Variants in MUC6 observed in about 807,000 individuals in gnomAD.
The protein encoded by MUC6 is mucin 6, oligomeric mucus/gel-forming (gene/pseudogene).
Under a neutral mutation model 201.5 loss-of-function variants are expected in MUC6, and 188 were observed. That is an observed-to-expected ratio of 0.93 (90% confidence interval 0.83 to 1.05). MUC6 has a LOEUF of 1.05. Ranked by LOEUF, MUC6 falls within the 50% of genes least tolerant of loss-of-function variation. The probability of loss-of-function intolerance (pLI) is 0.00; values close to 1 mark genes in which losing one functional copy is unlikely to be tolerated. For missense variants in MUC6, 2,706 were observed against 3,256.9 expected (o/e 0.83, Z 4.12); for synonymous variants, 1,228 against 1,389.4 (o/e 0.88, Z 2.58).
intron 29 of MUC6, 69 bp downstream of exon 29, chr11:1,020,021 C>T: frequency 6.5e-7 from 1 of 1,545,798 alleles, no homozygotes; most frequent in Non-Finnish European, 8.8e-7. Context: ...ATCCCTAAGC[C>T]CACCCCAGAG....
chr11:1,030,688 G>A lies in MUC6; in HGVS notation c.777C>T (p.Ala259=), dbSNP rs1323116961. 9.0e-6 allele frequency: 14 copies of A among 1,549,144 alleles called. No homozygotes were observed. Among genetic ancestry groups the A allele is most frequent in the Non-Finnish European group, 1.2e-5 (14 of 1,148,820 alleles). Residue 259 remains alanine, a synonymous_variant, in exon 7 of 33, where the codon GCC becomes GCT. Transcript: ENST00000421673. ...TCTGTGGGCCTGGCTGGGGGGCTGC[G>A]GCCACGTCCGCCTGGCAGCTTAGCA... ...PFVLSCQADV[A]AAPQPGPQNS...
intron 1 of MUC6, among the ~76,000 whole-genome samples, chr11:1,034,746 C>G (rs933040925): frequency 6.6e-6 from 1 of 152,212 alleles, no homozygotes; most frequent in African/African-American, 2.4e-5. Context: ...CGCTGTAGCA[C>G]AGACACCTCG....
chr11:1,018,570 TAGGCGGGGAGTGTGTGG>T lies in MUC6; in HGVS notation c.4214_4230del (p.Thr1405AsnfsTer30). 1 of 1,612,590 alleles carries T rather than the reference TAGGCGGGGAGTGTGTGG, an allele frequency of 6.2e-7. No individual in the cohort carries two copies. The highest frequency in any genetic ancestry group is 8.5e-7 in the Non-Finnish European group (1 of 1,179,236). ...GTGGAAGGGACGGGACTCCCCGCCG[TAGGCGGGGAGTGTGTGG>T]TGTGTGGGGTTTGGGGCGTTGTGTA... On this transcript the variant is annotated frameshift_variant, in exon 31 of 33. Transcript: ENST00000421673. LOFTEE classifies it high-confidence loss of function.
Position 1,026,256 on chromosome 11 carries a change from C to G in MUC6, c.2546+71G>C, listed in dbSNP as rs943812851. The G allele has an allele frequency of 1.9e-6, 3 of 1,543,066 alleles. No individual in the cohort carries two copies. The African/African-American group carries it at 4.1e-5, about 21-fold the overall frequency. On this transcript the variant is annotated intron_variant, in intron 20 of 32. Coordinates refer to ENST00000421673, the MANE Select transcript of MUC6 (RefSeq NM_005961.3). ...CGCCCCCGCCTCTGGGACAGCCCCA[C>G]CCCGGGCAGCCTCCGCCTGCCCCAG...
At position 1,031,222 on chromosome 11, in the gene MUC6, C is replaced by A; in HGVS notation, c.521G>T (p.Gly174Val). ...CTTCCCGTCAAAGTTCCCGCAGAGC[C>A]CGCACATCTGACCCATGTACTTCCG... is the stretch of plus-strand genomic sequence containing the variant. ...VERKYMGQMC[G>V]LCGNFDGKVT... Residue 174 changes from glycine (G) to valine (V), a missense_variant, in exon 5 of 33, where the codon GGG becomes GTG. Around this residue, in one of 10 missense-constraint regions of MUC6, gnomAD observed 1,850 missense variants for 1,958.3 expected, o/e 0.94. Coordinates refer to ENST00000421673, the MANE Select transcript of MUC6 (RefSeq NM_005961.3). 7.6e-6 allele frequency: 12 copies of A among 1,588,316 alleles called. No homozygotes were observed. Among genetic ancestry groups the A allele is most frequent in the Non-Finnish European group, 1.0e-5 (12 of 1,168,292 alleles).
At chr11:1,022,366 C>A (rs1856836431) in intron 26 of MUC6, among the ~76,000 whole-genome samples, 1 of 152,226 alleles carries the variant, frequency 6.6e-6, no homozygotes, top group South Asian at 2.1e-4. Flanking sequence ...CCTCTGCAGC[C>A]CGCGCCCCTC....
intron 1 of MUC6, among the ~76,000 whole-genome samples, chr11:1,036,176 C>T (rs1483700606): frequency 6.8e-6 from 1 of 146,692 alleles, no homozygotes; most frequent in Non-Finnish European, 1.5e-5. Flanking sequence ...AAACGAGGCC[C>T]AGGGCCCAGC....
At chr11:1,023,466 G>C in intron 26 of MUC6, 43 bp downstream of exon 26, 1 of 1,542,460 alleles carries the variant, frequency 6.5e-7, no homozygotes, top group Non-Finnish European at 8.8e-7. Flanking sequence ...ATGAGTGAAT[G>C]GGTCCCCCTG....
At chr11:1,024,467 T>TAA (rs1856902366) in intron 24 of MUC6, among the ~76,000 whole-genome samples, 1 of 152,178 alleles carries the variant, frequency 6.6e-6, no homozygotes, top group Non-Finnish European at 1.5e-5. Context: ...TCTCAGTTCT[T>TAA]ACTGCGCCGC....
rs779053610 is a variant in MUC6, at chr11:1,015,931, C to T, written c.6870G>A (p.Ser2290=). The part of the protein sequence containing the change: ...VPTSGFVSLT[S]GVTGIPTSPV... ...GAGAGGTGGGGATACCCGTCACCCC[C>T]GAGGTGAGTGACACAAAGCCTGATG... Residue 2290 remains serine (S), a synonymous_variant, in exon 31 of 33, where the codon TCG becomes TCA. Transcript: ENST00000421673. The T allele has an allele frequency of 6.8e-5, 109 of 1,599,266 alleles. 1 individual carries two copies. The highest frequency in any genetic ancestry group is 2.7e-4 in the East Asian group (12 of 44,728).
chr11:1,032,057 CAG>C lies in MUC6; in HGVS notation c.116-6_116-5del, dbSNP rs765976294. The C allele has an allele frequency of 5.7e-5, 92 of 1,612,648 alleles. No homozygotes were observed. Among genetic ancestry groups the C allele is most frequent in the Non-Finnish European group, 7.5e-5 (88 of 1,179,696 alleles). Reference sequence around the variant, plus strand: ...GAGCACTGGCCTTTGTCCGGGGCTACAGAGAGAGCAGTGCTCACACAGCCCTG... The same window carrying C: ...GAGCACTGGCCTTTGTCCGGGGCTACAGAGAGCAGTGCTCACACAGCCCTG... On this transcript the variant is annotated splice_polypyrimidine_tract_variant and splice_region_variant and intron_variant, in intron 2 of 32. Coordinates refer to ENST00000421673, the MANE Select transcript of MUC6 (RefSeq NM_005961.3).
At position 1,033,145 on chromosome 11, in the gene MUC6, TC is replaced by T. The variant is rs751826473; in HGVS notation, c.53-71del. ...CCCTGAGGGCGCCGCTCACCTCTGC[TC>T]AGGGCTGCTCCGCCCGTTTCCCTGC... On this transcript the variant is annotated intron_variant, in intron 1 of 32. Coordinates refer to ENST00000421673, the MANE Select transcript of MUC6 (RefSeq NM_005961.3). This position sits in a 1 kb window ranked among gnomAD's most constrained non-coding sequence, Gnocchi z 5.6. 49 of 1,456,990 alleles carry T rather than the reference TC, an allele frequency of 3.4e-5. No individual in the cohort carries two copies. The highest frequency in any genetic ancestry group is 4.3e-5 in the Non-Finnish European group (45 of 1,039,234). 90.3% of individuals were successfully genotyped at this position (1,456,990 alleles called of 1,614,324 possible).
chr11:1,035,935 G>A (rs558365202), intron 1 of MUC6, among the ~76,000 whole-genome samples: 1 of 152,152 alleles, frequency 6.6e-6, no homozygotes, highest in African/African-American at 2.4e-5. Flanking sequence ...CCTTCTGGGG[G>A]CCTGGGGAGG....
chr11:1,029,381 G>C lies in MUC6; in HGVS notation c.1137-15C>G. On this transcript the variant is annotated splice_polypyrimidine_tract_variant and intron_variant, in intron 9 of 32. Transcript: ENST00000421673. ...GGGTGCACCGGCTGTGGGTGGGCGT[G>C]GGGGTAGCGGCATGGTGGGCAGGGC... 1 of 1,593,656 alleles carries C rather than the reference G, an allele frequency of 6.3e-7. No homozygotes were observed. The highest frequency in any genetic ancestry group is 1.1e-5 in the South Asian group (1 of 88,482).
At chr11:1,028,826 C>G in intron 12 of MUC6, 43 bp from the exon 13 acceptor site, 1 of 1,609,318 alleles carries the variant, frequency 6.2e-7, no homozygotes, top group Non-Finnish European at 8.5e-7. Flanking sequence ...GCTCCCTCCC[C>G]ACCCACTGCA....
In MUC6 at chr11:1,026,407, C is replaced by T; in HGVS notation, c.2466G>A (p.Val822=). 6.2e-7 allele frequency: 1 copy of T among 1,608,540 alleles called. No homozygotes were observed. Among genetic ancestry groups the T allele is most frequent in the Non-Finnish European group, 8.5e-7 (1 of 1,178,268 alleles). ...GLYENADGQC[V]PPEECPCEFS... ...ACTCACATGGGCACTCCTCGGGGGG[C>T]ACACACTGCCCGTCGGCATTCTCGT... Residue 822 remains valine (V), a synonymous_variant, in exon 20 of 33, where the codon GTG becomes GTA. Coordinates refer to ENST00000421673, the MANE Select transcript of MUC6 (RefSeq NM_005961.3).
In MUC6 at chr11:1,028,263, C is replaced by T. The variant is rs1336971580; in HGVS notation, c.1716G>A (p.Glu572=). 3 of 1,595,754 alleles carry T rather than the reference C, an allele frequency of 1.9e-6. No individual in the cohort carries two copies. Among genetic ancestry groups the T allele is most frequent in the Non-Finnish European group, 2.6e-6 (3 of 1,172,180 alleles). The change falls in exon 14 of 33, where the codon GAG becomes GAA. Residue 572 remains glutamate, a synonymous_variant. Transcript: ENST00000421673. The part of the protein sequence containing the change: ...WRAGNCPAAL[E]RETDPCSMSQ... Reference sequence around the variant, plus strand: ...TCATGGAGCAGGGGTCAGTCTCACGCTCCAGAGCGGCCGGACAGTTCCCCG... The same window carrying T: ...TCATGGAGCAGGGGTCAGTCTCACGTTCCAGAGCGGCCGGACAGTTCCCCG...
At chr11:1,014,182 C>T (rs978223078) in intron 31 of MUC6, among the ~76,000 whole-genome samples, 181 bp from the exon 32 acceptor site, 5 of 152,232 alleles carry the variant, frequency 3.3e-5, no homozygotes, top group Admixed American at 1.3e-4. Flanking sequence ...AAAGGCCAGC[C>T]GCATCCTAGT....
Position 1,029,619 on chromosome 11 carries a change from C to G in MUC6, c.1016-4G>C. 6.4e-7 allele frequency: 1 copy of G among 1,572,202 alleles called. No individual in the cohort carries two copies. The highest frequency in any genetic ancestry group is 8.7e-7 in the Non-Finnish European group (1 of 1,155,292). On this transcript the variant is annotated splice_region_variant and splice_polypyrimidine_tract_variant and intron_variant, in intron 8 of 32. Transcript: ENST00000421673. ...GAGAGGTCATTCAGGACCGTACCTG[C>G]AGGAGAGGGTCTTCTTGGGGCTTGG...
Sources: gnomAD v4.1 joint callset for allele counts (sites outside exome capture counted in the v4.1 genomes callset) on GRCh38, gnomAD v4.1.1 for gene constraint, gnomAD v4.1.1 regional missense constraint, Gnocchi (gnomAD v3.1) non-coding constraint, MANE v1.5 for transcripts, NCBI Gene and HGNC (gene_info 2026-07-23, HGNC 2026-07-21) for gene names.